Variants in PDE4B observed in about 807,000 individuals in gnomAD.
PDE4B encodes the protein phosphodiesterase 4B, also known as 3',5'-cyclic-AMP phosphodiesterase 4B.
In PDE4B, 20 loss-of-function variants were observed where a neutral mutation model predicts 82.2. The ratio of observed to expected loss-of-function variants is 0.24; its 90% confidence interval spans 0.17 to 0.35. The LOEUF is 0.35. PDE4B is among the 10% of genes least tolerant of loss of function. The probability of loss-of-function intolerance (pLI) is 1.00; values close to 1 mark genes in which losing one functional copy is unlikely to be tolerated. For missense variants in PDE4B, 655 were observed against 907.2 expected (o/e 0.72, Z 3.57); for synonymous variants, 320 against 318.9 (o/e 1.00, Z -0.04).
chr1:66,023,882 T>C (rs888595005), intron 3 of PDE4B, among the ~76,000 whole-genome samples: 3 of 152,144 alleles, frequency 2.0e-5, no homozygotes, highest in Non-Finnish European at 2.9e-5. Flanking sequence ...TTTTGTTTCT[T>C]ATATTAGTAC....
intron 3 of PDE4B, among the ~76,000 whole-genome samples, chr1:66,081,666 A>T (rs2100961501): frequency 6.6e-6 from 1 of 152,256 alleles, no homozygotes; most frequent in East Asian, 1.9e-4. Context: ...AATATGAACT[A>T]GTAGAAAGTG....
At chr1:66,307,635 T>C (rs1024087444) in intron 7 of PDE4B, among the ~76,000 whole-genome samples, 9 of 152,084 alleles carry the variant, frequency 5.9e-5, no homozygotes, top group Non-Finnish European at 1.2e-4. Context: ...TAAACCCAGA[T>C]TGAGGGCCTT....
At chr1:66,354,703 T>G in intron 8 of PDE4B, 1 of 1,430,334 alleles carries the variant, frequency 7.0e-7, no homozygotes, top group Non-Finnish European at 9.1e-7. Flanking sequence ...ATGCCATACA[T>G]TTTGGAGGTT....
chr1:65,914,892 G>C (rs1647141969), intron 2 of PDE4B, among the ~76,000 whole-genome samples: 1 of 152,164 alleles, frequency 6.6e-6, no homozygotes, highest in Admixed American at 6.6e-5. Context: ...CACTGTGGTA[G>C]CCACCAGCCA....
Position 65,941,041 on chromosome 1 carries a change from A to G in PDE4B, c.281+22206A>G, listed in dbSNP as rs558067485. On this transcript the variant is annotated intron_variant, in intron 3 of 16. Transcript: ENST00000341517. ...AACTTTAAAAAATATAATGTTGCAGATAAAGTTAAAGGATGAGAGCATTCT... is the reference window on the plus strand; with the variant it reads ...AACTTTAAAAAATATAATGTTGCAGGTAAAGTTAAAGGATGAGAGCATTCT... Among the ~76,000 whole-genome samples the G allele has an allele frequency of 4.6e-5, 7 of 152,146 alleles. No homozygotes were observed. In the South Asian group the frequency reaches 1.0e-3, roughly 23 times the overall value.
At chr1:66,322,486 T>C (rs1353893015) in intron 7 of PDE4B, among the ~76,000 whole-genome samples, 1 of 151,760 alleles carries the variant, frequency 6.6e-6, no homozygotes, top group East Asian at 1.9e-4. Context: ...AACAACTCCA[T>C]CAAAAAGTGG....
intron 3 of PDE4B, among the ~76,000 whole-genome samples, chr1:66,096,556 G>T (rs1645125664): frequency 1.0e-5 from 1 of 98,760 alleles, no homozygotes; most frequent in Non-Finnish European, 2.1e-5. Context: ...CATTTCAAAG[G>T]CTTAGTATAA....
At chr1:66,324,128 C>G (rs557216143) in intron 7 of PDE4B, among the ~76,000 whole-genome samples, 2 of 152,096 alleles carry the variant, frequency 1.3e-5, no homozygotes, top group Non-Finnish European at 2.9e-5. Context: ...CAAAAGGAAA[C>G]AGTGCTATGA....
intron 8 of PDE4B, among the ~76,000 whole-genome samples, chr1:66,334,425 C>T (rs992555801): frequency 6.6e-6 from 1 of 152,188 alleles, no homozygotes; most frequent in Non-Finnish European, 1.5e-5. Flanking sequence ...TCTTATTCAG[C>T]ATAGTAGTTA....
intron 3 of PDE4B, among the ~76,000 whole-genome samples, chr1:65,940,036 T>G (rs1212907723): frequency 6.6e-6 from 1 of 152,124 alleles, no homozygotes. Flanking sequence ...GAGATAAATA[T>G]AATAAATGAA....
chr1:66,001,852 A>G (rs61799586), intron 3 of PDE4B, among the ~76,000 whole-genome samples: 25,348 of 152,032 alleles, frequency 0.17, 2,764 homozygotes, highest in Non-Finnish European at 0.24. Context: ...CCTCCTGAGT[A>G]GCTGGGACTA....
chr1:66,082,641 A>T (rs573220292), intron 3 of PDE4B, among the ~76,000 whole-genome samples: 8 of 147,908 alleles, frequency 5.4e-5, no homozygotes, highest in East Asian at 2.0e-4. Flanking sequence ...GGATTGAAAT[A>T]ATATATATAT....
intron 1 of PDE4B, among the ~76,000 whole-genome samples, chr1:65,821,515 A>G (rs981103165): frequency 6.6e-6 from 1 of 152,178 alleles, no homozygotes; most frequent in African/African-American, 2.4e-5. Context: ...TGGTCTTCCT[A>G]CATATAGAAG....
intron 3 of PDE4B, among the ~76,000 whole-genome samples, chr1:66,154,486 C>A (rs1201057891): frequency 6.6e-6 from 1 of 152,194 alleles, no homozygotes; most frequent in East Asian, 1.9e-4. Flanking sequence ...CGGGAAATCA[C>A]TTCTGTGCCT....
chr1:66,114,932 A>G (rs1281606697), intron 3 of PDE4B, among the ~76,000 whole-genome samples: 1 of 152,166 alleles, frequency 6.6e-6, no homozygotes, highest in African/African-American at 2.4e-5. Flanking sequence ...CACCACACCC[A>G]GTCATATAAA....
intron 3 of PDE4B, among the ~76,000 whole-genome samples, chr1:66,231,739 A>C (rs574111440): frequency 6.6e-6 from 1 of 152,256 alleles, no homozygotes. Flanking sequence ...TGAAGAGGAA[A>C]ATGAACTCAC....
chr1:66,317,579 T>A (rs535771137), intron 7 of PDE4B, among the ~76,000 whole-genome samples: 35 of 152,116 alleles, frequency 2.3e-4, no homozygotes, highest in South Asian at 4.1e-4. Flanking sequence ...TTTTTTTTTT[T>A]AAATTTCTTT....
intron 3 of PDE4B, among the ~76,000 whole-genome samples, chr1:66,180,615 G>T (rs1204970123): frequency 1.3e-5 from 2 of 152,212 alleles, no homozygotes; most frequent in Non-Finnish European, 2.9e-5. Flanking sequence ...AAAGGCAAAA[G>T]AGGTGGAATA....
chr1:66,301,154 G>C (rs1404886166), intron 7 of PDE4B, among the ~76,000 whole-genome samples: 1 of 152,002 alleles, frequency 6.6e-6, no homozygotes, highest in Admixed American at 6.6e-5. Flanking sequence ...TCACATGGCT[G>C]CAGTATTCAC....
Sources: gnomAD v4.1 joint callset for allele counts (sites outside exome capture counted in the v4.1 genomes callset) on GRCh38, gnomAD v4.1.1 for gene constraint, MANE v1.5 for transcripts, NCBI Gene and HGNC (gene_info 2026-07-23, HGNC 2026-07-21) for gene names.